Variants in LGSN observed in about 807,000 individuals in gnomAD.
LGSN encodes the protein lengsin, lens protein with glutamine synthetase domain.
LGSN carries 21 observed loss-of-function variants against 19.5 expected under a neutral mutation model. The ratio of observed to expected loss-of-function variants is 1.07; its 90% CI spans 0.76 to 1.55. The LOEUF is 1.55. Among genes scored for constraint, LGSN ranks in the 40% most tolerant of loss-of-function variants. LGSN has a pLI of 0.00. For missense variants in LGSN, 673 were observed against 608.5 expected (o/e 1.11, Z -1.12); for synonymous variants, 257 against 215.6 (o/e 1.19, Z -1.68).
At chr6:63,341,575 G>C in the LGSN span, among the ~76,000 whole-genome samples, 2 of 152,068 alleles carry the variant, frequency 1.3e-5, no homozygotes, top group Non-Finnish European at 2.9e-5. Context: ...AAGACTTCCT[G>C]GTGTGCTAGT....
the LGSN span, among the ~76,000 whole-genome samples, chr6:63,550,713 C>T: frequency 6.7e-6 from 1 of 150,004 alleles, no homozygotes; most frequent in Admixed American, 6.6e-5. Context: ...CAGGCTTCAC[C>T]TCCTGGGTTC....
chr6:63,542,000 A>C, the LGSN span, among the ~76,000 whole-genome samples: 1 of 146,140 alleles, frequency 6.8e-6, no homozygotes, highest in Non-Finnish European at 1.5e-5. Flanking sequence ...AAAAACTCTC[A>C]TTTGGTGGAT....
At chr6:63,374,286 T>G in the LGSN span, among the ~76,000 whole-genome samples, 1 of 152,218 alleles carries the variant, frequency 6.6e-6, no homozygotes, top group South Asian at 2.1e-4. Context: ...AAGTAGGCAA[T>G]TATTTCAAAA....
chr6:63,436,743 A>G, the LGSN span, among the ~76,000 whole-genome samples: 1 of 152,136 alleles, frequency 6.6e-6, no homozygotes, highest in African/African-American at 2.4e-5. Context: ...GAAAAGAAAG[A>G]TATTCTTAGA....
the LGSN span, among the ~76,000 whole-genome samples, chr6:63,379,759 T>C: frequency 2.6e-5 from 4 of 152,200 alleles, no homozygotes; most frequent in African/African-American, 9.6e-5. Flanking sequence ...CTAGTTTTAG[T>C]TGTTTTTGTT....
At chr6:63,412,416 A>AG in the LGSN span, among the ~76,000 whole-genome samples, 1 of 97,476 alleles carries the variant, frequency 1.0e-5, no homozygotes, top group African/African-American at 6.7e-5. Flanking sequence ...AGAAAGAAAG[A>AG]AGAAAGAAAG....
At chr6:63,480,526 CA>C in the LGSN span, 56 of 146,382 alleles carry the variant, frequency 3.8e-4, no homozygotes, top group Middle Eastern at 3.5e-3. Context: ...CAAAGAAAGC[CA>C]AAAAAAAAAC....
In LGSN at chr6:63,280,398, C is replaced by T. The variant is rs1767249203; in HGVS notation, c.1153G>A (p.Gly385Arg). ...DLKKSVPTTW[G>R]YNDNSCIFNI... ...AATATACAGCTGTTGTCATTGTATC[C>T]CCATGTTGTAGGCACACTCTTCTTC... is the stretch of plus-strand genomic sequence containing the variant. Residue 385 changes from glycine (G) to arginine (R), a missense_variant, in exon 4 of 4, where the codon GGA (glycine) becomes AGA (arginine). Gly to Arg is a moderately radical substitution (Grantham distance 125, BLOSUM62 -2). Coordinates refer to ENST00000370657, the MANE Select transcript of LGSN (RefSeq NM_016571.3). 1.2e-6 allele frequency: 2 copies of T among 1,614,146 alleles called. No individual in the cohort carries two copies. The highest frequency in any genetic ancestry group is 1.7e-6 in the Non-Finnish European group (2 of 1,180,034).
At chr6:63,505,654 GTTTT>G in the LGSN span, among the ~76,000 whole-genome samples, 1 of 35,962 alleles carries the variant, frequency 2.8e-5, no homozygotes, top group Non-Finnish European at 4.6e-5. Context: ...ATTCTTTTTT[GTTTT>G]GTTTTGTTTT....
At chr6:63,463,691 G>A in the LGSN span, among the ~76,000 whole-genome samples, 1 of 152,178 alleles carries the variant, frequency 6.6e-6, no homozygotes, top group East Asian at 1.9e-4. Context: ...GGTCATGCTT[G>A]TAGGTACTCA....
the LGSN span, among the ~76,000 whole-genome samples, chr6:63,375,277 G>A: frequency 2.6e-5 from 4 of 151,918 alleles, no homozygotes; most frequent in African/African-American, 7.3e-5. Flanking sequence ...TACATTATTG[G>A]TGGTCCTCAT....
chr6:63,338,785 T>C, the LGSN span, among the ~76,000 whole-genome samples: 1 of 152,166 alleles, frequency 6.6e-6, no homozygotes, highest in African/African-American at 2.4e-5. Context: ...GAAATCTTTC[T>C]ATTGTAATGT....
At chr6:63,401,765 C>T in the LGSN span, among the ~76,000 whole-genome samples, 1 of 152,108 alleles carries the variant, frequency 6.6e-6, no homozygotes, top group African/African-American at 2.4e-5. Context: ...AAAATGTATG[C>T]GACTGGAGCA....
At chr6:63,319,527 GTCA>G (rs1769006208) in intron 1 of LGSN, among the ~76,000 whole-genome samples, 1 of 152,082 alleles carries the variant, frequency 6.6e-6, no homozygotes, top group Admixed American at 6.6e-5. Context: ...TCCACCTTTA[GTCA>G]TTTAATCTCA....
At chr6:63,541,763 C>T in the LGSN span, among the ~76,000 whole-genome samples, 13 of 152,128 alleles carry the variant, frequency 8.5e-5, no homozygotes, top group African/African-American at 2.9e-4. Flanking sequence ...TTTACCATCT[C>T]TTCCTACTAC....
the LGSN span, among the ~76,000 whole-genome samples, chr6:63,453,245 TGAAAA>T: frequency 6.6e-6 from 1 of 152,208 alleles, no homozygotes; most frequent in African/African-American, 2.4e-5. Flanking sequence ...CATTTGCACT[TGAAAA>T]GAATATGTAC....
the LGSN span, among the ~76,000 whole-genome samples, chr6:63,359,188 T>G: frequency 1.3e-5 from 2 of 152,216 alleles, no homozygotes; most frequent in Non-Finnish European, 2.9e-5. Context: ...GAAGCCCACT[T>G]GATCATGGTG....
the LGSN span, among the ~76,000 whole-genome samples, chr6:63,479,337 A>G: frequency 2.0e-5 from 3 of 152,204 alleles, no homozygotes; most frequent in Non-Finnish European, 2.9e-5. Flanking sequence ...TGGCCTATCG[A>G]TGAAAATATA....
At chr6:63,350,856 A>G in the LGSN span, among the ~76,000 whole-genome samples, 5 of 151,590 alleles carry the variant, frequency 3.3e-5, no homozygotes, top group African/African-American at 1.2e-4. Context: ...AAAAAAAAAA[A>G]CAAACAAACA....
Sources: gnomAD v4.1 joint callset for allele counts (sites outside exome capture counted in the v4.1 genomes callset) on GRCh38, gnomAD v4.1.1 for gene constraint, MANE v1.5 for transcripts, NCBI Gene and HGNC (gene_info 2026-07-23, HGNC 2026-07-21) for gene names.